The following ST8SIA1 variants were observed in gnomAD, a reference collection of about 807,000 sequenced individuals.
ST8SIA1 encodes alpha-N-acetylneuraminide alpha-2,8-sialyltransferase.
ST8SIA1 carries 16 observed loss-of-function variants against 35.9 expected under a neutral mutation model. The observed-to-expected ratio is 0.45, with a 90% CI of 0.30 to 0.68. ST8SIA1 has a LOEUF of 0.68. Ranked by LOEUF, ST8SIA1 falls within the 30% of genes least tolerant of loss-of-function variation. The pLI is 0.09. For synonymous variants in ST8SIA1, 170 were observed against 169.6 expected (o/e 1.00, Z -0.02); for missense variants, 383 against 453.6 (o/e 0.84, Z 1.41).
intron 1 of ST8SIA1, among the ~76,000 whole-genome samples, chr12:22,303,041 T>C (rs550056459): frequency 6.6e-6 from 1 of 152,312 alleles, no homozygotes; most frequent in African/African-American, 2.4e-5. Flanking sequence ...GGCTGTGTCA[T>C]GGACACACGT....
chr12:22,250,248 T>C (rs910668735), intron 3 of ST8SIA1, among the ~76,000 whole-genome samples: 1 of 152,248 alleles, frequency 6.6e-6, no homozygotes, highest in Admixed American at 6.5e-5. Flanking sequence ...TTCATTTGCC[T>C]GACTTCAGTT....
chr12:22,216,388 T>A (rs1591825931), intron 4 of ST8SIA1, among the ~76,000 whole-genome samples: 1 of 152,274 alleles, frequency 6.6e-6, no homozygotes, highest in East Asian at 1.9e-4. Context: ...CCCTGCCCGA[T>A]TACTTGGTGT....
At chr12:22,324,952 G>A (rs1866656034) in intron 1 of ST8SIA1, 3 of 151,514 alleles carry the variant, frequency 2.0e-5, no homozygotes, top group Admixed American at 6.6e-5. Context: ...AAATTCTAAA[G>A]GTATAATTTT....
chr12:22,298,519 T>C (rs1281213135), intron 1 of ST8SIA1, among the ~76,000 whole-genome samples: 1 of 152,226 alleles, frequency 6.6e-6, no homozygotes, highest in African/African-American at 2.4e-5. Flanking sequence ...CTGTGTTGAT[T>C]GTTGTTGAGT....
intron 4 of ST8SIA1, among the ~76,000 whole-genome samples, chr12:22,237,183 T>G (rs1348315260): frequency 6.6e-6 from 1 of 152,148 alleles, no homozygotes; most frequent in Non-Finnish European, 1.5e-5. Flanking sequence ...ACTGCAGCCT[T>G]GAACGCCTAG....
intron 4 of ST8SIA1, among the ~76,000 whole-genome samples, chr12:22,221,945 C>T (rs1215215662): frequency 2.0e-5 from 3 of 151,994 alleles, no homozygotes; most frequent in African/African-American, 4.8e-5. Context: ...ATGGCTAATA[C>T]CACCATTCTT....
intron 4 of ST8SIA1, chr12:22,223,252 TG>T (rs1358342791): frequency 6.6e-6 from 1 of 152,630 alleles, no homozygotes; most frequent in Non-Finnish European, 1.5e-5. Context: ...GATGAGATCA[TG>T]CATTATATAT....
rs759184463 is a variant in ST8SIA1 at position 22,248,995 on chromosome 12, TAA to T, written c.584+9_584+10del. On this transcript the variant is annotated intron_variant, in intron 4 of 4. Coordinates refer to ENST00000396037, the MANE Select transcript of ST8SIA1 (RefSeq NM_003034.4). ...CTTCGTTCGTCACAAACAGAAGTCA[TAA>T]ACTCTTACCTTTGCCGAATTATGCT... 1.9e-5 allele frequency: 30 copies of T among 1,604,104 alleles called. No individual in the cohort carries two copies. Among genetic ancestry groups the T allele is most frequent in the Non-Finnish European group, 2.6e-5 (30 of 1,171,430 alleles).
At chr12:22,320,955 A>G (rs201071703) in intron 1 of ST8SIA1, among the ~76,000 whole-genome samples, 3,262 of 83,810 alleles carry the variant, frequency 0.039, 111 homozygotes, top group African/African-American at 0.076. Context: ...GAAAGAAAGA[A>G]AGAGAAAGAA....
chr12:22,285,877 C>CAAAAAAAAACAAAAAAAACAAA (rs60441064), intron 2 of ST8SIA1, among the ~76,000 whole-genome samples: 1 of 103,632 alleles, frequency 9.6e-6, no homozygotes, highest in African/African-American at 3.7e-5. Flanking sequence ...CTGTCAAAAA[C>CAAAAAAAAACAAAAAAAACAAA]AAAAAAAAAA....
chr12:22,287,422 G>A, intron 1 of ST8SIA1, 129 bp from the exon 2 acceptor site: 1 of 839,400 alleles, frequency 1.2e-6, no homozygotes, highest in Non-Finnish European at 1.8e-6. Flanking sequence ...AGCATCTCCA[G>A]GGTGATTAGA....
intron 2 of ST8SIA1, among the ~76,000 whole-genome samples, chr12:22,269,167 A>C (rs965298129): frequency 2.6e-5 from 4 of 152,208 alleles, no homozygotes; most frequent in Non-Finnish European, 5.9e-5. Context: ...ACACAGTAGG[A>C]AAATACATGC....
Position 22,195,189 on chromosome 12 carries a change from A to C in ST8SIA1, c.*6363T>G, listed in dbSNP as rs1401628579. The C allele has an allele frequency of 2.6e-5, 2 of 77,234 alleles. No individual in the cohort carries two copies. Among genetic ancestry groups the C allele is most frequent in the Admixed American group, 1.4e-4 (1 of 7,276 alleles). The allele number at this position is 77,234 out of a possible 1,614,324, so 4.8% of individuals were successfully genotyped here. On this transcript the variant is annotated 3_prime_UTR_variant, in exon 5 of 5. Transcript: ENST00000396037. ...CAAGAGCAAAAAACTCTGTCTCAAC[A>C]AAAAAAAAAAAAAAAAAAAAAAAGA...
chr12:22,268,594 G>A (rs184530894), intron 2 of ST8SIA1: 5 of 152,256 alleles, frequency 3.3e-5, no homozygotes, highest in East Asian at 1.9e-4. Flanking sequence ...TGGCAGCAGC[G>A]AGAAGAAGTG....
At chr12:22,323,260 T>C (rs1866626885) in intron 1 of ST8SIA1, among the ~76,000 whole-genome samples, 1 of 152,230 alleles carries the variant, frequency 6.6e-6, no homozygotes. Flanking sequence ...TTTTATAATT[T>C]AATCTAACAA....
Position 22,255,336 on chromosome 12 carries a change from C to A in ST8SIA1, c.435G>T (p.Gly145=), listed in dbSNP as rs768931177. ...LKKCAVVGNG[G]ILKKSGCGRQ... is the part of the protein sequence containing the mutation. ...GGCCACAGCCACTCTTCTTCAGAATCCCACCATTTCCCACCACCGCGCATT... is the reference window on the plus strand; with the variant it reads ...GGCCACAGCCACTCTTCTTCAGAATACCACCATTTCCCACCACCGCGCATT... The change falls in exon 3 of 5, where the codon GGG becomes GGT. Residue 145 remains glycine (G), a synonymous_variant. Transcript: ENST00000396037. The A allele has an allele frequency of 3.7e-6, 6 of 1,614,180 alleles. No individual in the cohort carries two copies. The highest frequency in any genetic ancestry group is 1.6e-4 in the Middle Eastern group (1 of 6,062).
At chr12:22,263,213 C>G (rs1002150767) in intron 2 of ST8SIA1, among the ~76,000 whole-genome samples, 2 of 152,182 alleles carry the variant, frequency 1.3e-5, no homozygotes, top group Admixed American at 1.3e-4. Flanking sequence ...TCGAAATGTT[C>G]TCTAGCTTTT....
At chr12:22,233,728 A>G (rs796890642) in intron 4 of ST8SIA1, among the ~76,000 whole-genome samples, 5 of 152,224 alleles carry the variant, frequency 3.3e-5, no homozygotes, top group African/African-American at 1.2e-4. Flanking sequence ...GAAGCAAATC[A>G]CCTAACTTGT....
rs530279802 is a variant in ST8SIA1, at chr12:22,220,648, G to A, written c.585-18610C>T. Among the ~76,000 whole-genome samples, 5 of 152,342 alleles carry A rather than the reference G, an allele frequency of 3.3e-5. No homozygotes were observed. The South Asian group carries it at 1.0e-3, about 32-fold the overall frequency. On this transcript the variant is annotated intron_variant, in intron 4 of 4. Transcript: ENST00000396037. Reference sequence around the variant, plus strand: ...AAATTTGCCAATTAAAAGCAATTAAGTGTCTTTCAAAGTAAAAACAGTGTT... The same window carrying A: ...AAATTTGCCAATTAAAAGCAATTAAATGTCTTTCAAAGTAAAAACAGTGTT...
Sources: gnomAD v4.1 joint callset for allele counts (sites outside exome capture counted in the v4.1 genomes callset) on GRCh38, gnomAD v4.1.1 for gene constraint, MANE v1.5 for transcripts, NCBI Gene and HGNC (gene_info 2026-07-23, HGNC 2026-07-21) for gene names.